Variants in A1BG observed in about 807,000 individuals in gnomAD.
A1BG encodes alpha-1B-glycoprotein.
Under a neutral mutation model 46.0 loss-of-function variants are expected in A1BG, and 44 were observed. The observed-to-expected ratio is 0.96, with a 90% CI of 0.75 to 1.23. The LOEUF is 1.23. A1BG is among the 50% of genes most tolerant of loss of function. The probability of loss-of-function intolerance (pLI) is 0.00; values close to 1 mark genes in which losing one functional copy is unlikely to be tolerated. For synonymous variants in A1BG, 316 were observed against 314.7 expected, an observed-to-expected ratio of 1.00 and a Z score of -0.04; for missense variants, 707 against 688.8, an observed-to-expected ratio of 1.03 and a Z score of -0.30.
chr19:58,346,879 T>G lies in A1BG; in HGVS notation c.*143A>C. 1.1e-6 allele frequency: 1 copy of G among 911,088 alleles called. No individual in the cohort carries two copies. The highest frequency in any genetic ancestry group is 1.8e-6 in the Non-Finnish European group (1 of 540,720). The allele number at this position is 911,088 out of a possible 1,614,324, so 56.4% of individuals were successfully genotyped here. The stretch of plus-strand genomic sequence containing the variant: ...TTTTAAACAGAGCCTCTCTTCACAT[T>G]TATTAATTCCTGGGAGGAATGAGGG... On this transcript the variant is annotated 3_prime_UTR_variant, in exon 8 of 8. Coordinates refer to ENST00000263100, the MANE Select transcript of A1BG (RefSeq NM_130786.4).
Position 58,352,723 on chromosome 19 carries a change from A to G in A1BG, c.341-168T>C, listed in dbSNP as rs1446854106. 4.3e-6 allele frequency: 5 copies of G among 1,172,524 alleles called. No individual in the cohort carries two copies. The East Asian group carries it at 9.5e-5, about 22-fold the overall frequency. 72.6% of individuals were successfully genotyped at this position (1,172,524 alleles called of 1,614,324 possible). On this transcript the variant is annotated intron_variant, in intron 3 of 7. Coordinates refer to ENST00000263100, the MANE Select transcript of A1BG (RefSeq NM_130786.4). ...GGAAACAAGGCATACGGCAAGAGAA[A>G]AAGAGTGTGTGGGAGCTGTACGGCA... is the stretch of plus-strand genomic sequence containing the variant.
chr19:58,353,335 G>T lies in A1BG; in HGVS notation c.35-8C>A. 6.2e-7 allele frequency: 1 copy of T among 1,610,934 alleles called. No homozygotes were observed. The highest frequency in any genetic ancestry group is 2.2e-5 in the East Asian group (1 of 44,810). On this transcript the variant is annotated splice_polypyrimidine_tract_variant and splice_region_variant and intron_variant, in intron 1 of 7. Transcript: ENST00000263100. ...CTGGGCCCCAGGTGACACCTGCGGA[G>T]ACAGCCCCCGTAAGGCTCCTGTTCC...
chr19:58,352,726 G>A, intron 3 of A1BG, 171 bp from the exon 4 acceptor site: 1 of 1,151,364 alleles, frequency 8.7e-7, no homozygotes, highest in Non-Finnish European at 1.2e-6. Context: ...AAGAGAAAAA[G>A]AGTGTGTGGG....
At chr19:58,348,287 G>T (rs1406470142) in intron 6 of A1BG, among the ~76,000 whole-genome samples, 1 of 152,184 alleles carries the variant, frequency 6.6e-6, no homozygotes, top group Non-Finnish European at 1.5e-5. Flanking sequence ...GGGAGGCAGA[G>T]GTTTCAGTGA....
At chr19:58,350,855 T>A in intron 5 of A1BG, 1 of 484,914 alleles carries the variant, frequency 2.1e-6, no homozygotes, top group Non-Finnish European at 3.4e-6. Context: ...TGTTTCTTAG[T>A]AATTTGTTTG....
At position 58,351,565 on chromosome 19, in the gene A1BG, C is replaced by T. The variant is rs200002683; in HGVS notation, c.736G>A (p.Gly246Arg). Reference sequence around the variant, plus strand: ...CTGGGTACCAGCAGCTCTTTCTCCCCGCGCCGTAGCTGGAAGTCCACTCCA... The same window carrying T: ...CTGGGTACCAGCAGCTCTTTCTCCCTGCGCCGTAGCTGGAAGTCCACTCCA... Reference protein sequence around the residue: ...LSGVDFQLRRGEKELLVPRSS... With the variant: ...LSGVDFQLRRREKELLVPRSS... The change falls in exon 5 of 8, where the codon GGG becomes AGG. Residue 246 changes from glycine (G) to arginine (R), a missense_variant. Gly to Arg is a moderately radical substitution (Grantham distance 125, BLOSUM62 -2). Transcript: ENST00000263100. 233 of 1,613,946 alleles carry T rather than the reference C, an allele frequency of 1.4e-4. No individual in the cohort carries two copies. The highest frequency in any genetic ancestry group is 1.6e-4 in the Non-Finnish European group (191 of 1,180,032).
chr19:58,352,550 A>C lies in A1BG; in HGVS notation c.346T>G (p.Leu116Val), dbSNP rs762470632. 2 of 1,607,738 alleles carry C rather than the reference A, an allele frequency of 1.2e-6. No individual in the cohort carries two copies. Among genetic ancestry groups the C allele is most frequent in the South Asian group, 1.1e-5 (1 of 91,052 alleles). ...GCCATCGAGAGCCAGGGAGCAGGCAAGGACTCTGTGGGTGGGGTGGAGTTG... is the reference window on the plus strand; with the variant it reads ...GCCATCGAGAGCCAGGGAGCAGGCACGGACTCTGTGGGTGGGGTGGAGTTG... ...KLLELTGPKS[L>V]PAPWLSMAPV... The change falls in exon 4 of 8, where the codon TTG becomes GTG. Residue 116 changes from leucine (L) to valine (V), a missense_variant. Physicochemically the swap from Leu to Val is conservative, Grantham distance 32 (BLOSUM62 1). Transcript: ENST00000263100.
rs950652012 is a variant in A1BG, at chr19:58,350,722, G to A, written c.911-71C>T. On this transcript the variant is annotated intron_variant, in intron 5 of 7. Transcript: ENST00000263100. ...CGGCCCTAACGCGTGGTCTGGCCTC[G>A]CGCTCTTTGCCTTGGCTGAGTCTTC... 6.1e-6 allele frequency: 8 copies of A among 1,307,252 alleles called. No individual in the cohort carries two copies. In the East Asian group the frequency reaches 1.6e-4, roughly 26 times the overall value. 81.0% of individuals were successfully genotyped at this position (1,307,252 alleles called of 1,614,324 possible). A position where few individuals can be genotyped will look rare whatever the true frequency, so the allele number is the denominator to read the frequency against.
rs1200261308 is a variant in A1BG at position 58,347,472 on chromosome 19, T to C, written c.1361A>G (p.Asn454Ser). 13 of 1,601,106 alleles carry C rather than the reference T, an allele frequency of 8.1e-6. No individual in the cohort carries two copies. The highest frequency in any genetic ancestry group is 9.4e-6 in the Non-Finnish European group (11 of 1,172,798). ...GGGCCCCACGAAGATCAGCTCGAGG[T>C]TCGCCGCGGCCCCGGGGGTGCGGAC... ...KTVRTPGAAANLELIFVGPQH... is the reference protein window; with the variant it reads ...KTVRTPGAAASLELIFVGPQH... Residue 454 changes from asparagine to serine, a missense_variant, in exon 7 of 8, where the codon AAC becomes AGC. Physicochemically the swap from Asn to Ser is conservative, Grantham distance 46. Transcript: ENST00000263100.
intron 4 of A1BG, chr19:58,351,992 C>T (rs755046841): frequency 1.9e-4 from 189 of 1,017,394 alleles, no homozygotes; most frequent in Middle Eastern, 3.3e-4. Flanking sequence ...GACGGGGTTT[C>T]GTCATGTTGG....
rs1458508564 is a variant in A1BG, at chr19:58,346,763, C to G, written c.*259G>C. The G allele has an allele frequency of 1.7e-6, 1 of 596,720 alleles. No individual in the cohort carries two copies. Among genetic ancestry groups the G allele is most frequent in the Non-Finnish European group, 3.0e-6 (1 of 332,894 alleles). 37.0% of individuals were successfully genotyped at this position (596,720 alleles called of 1,614,324 possible). On this transcript the variant is annotated 3_prime_UTR_variant, in exon 8 of 8. Coordinates refer to ENST00000263100, the MANE Select transcript of A1BG (RefSeq NM_130786.4). ...AAAACTGTGCTCTTAAGAGCCAGTT[C>G]TCCACTCCTCTACCTCAGGAGCCAC...
At chr19:58,347,752 C>A (rs1046966641) in intron 6 of A1BG, 112 bp from the exon 7 acceptor site, 7 of 630,966 alleles carry the variant, frequency 1.1e-5, no homozygotes, top group Non-Finnish European at 1.6e-5. Flanking sequence ...GCCCCGGCTT[C>A]ATCTTCCCTG....
rs1419292611 is a variant in A1BG, at chr19:58,347,610, G to A, written c.1223C>T (p.Thr408Met). The change falls in exon 7 of 8, where the codon ACG becomes ATG. Residue 408 changes from threonine to methionine, a missense_variant. Physicochemically the swap from Thr to Met is moderately conservative, Grantham distance 81. Coordinates refer to ENST00000263100, the MANE Select transcript of A1BG (RefSeq NM_130786.4). ...GPPPRPQLRA[T>M]WSGAVLAGRD... ...GCCCGCCAGGACCGCCCCACTCCACGTCGCCCGGAGCTGAGGCCTGGGAGG... is the reference window on the plus strand; with the variant it reads ...GCCCGCCAGGACCGCCCCACTCCACATCGCCCGGAGCTGAGGCCTGGGAGG... The A allele has an allele frequency of 2.7e-6, 4 of 1,484,334 alleles. No individual in the cohort carries two copies. The highest frequency in any genetic ancestry group is 2.7e-6 in the Non-Finnish European group (3 of 1,121,838). 91.9% of individuals were successfully genotyped at this position (1,484,334 alleles called of 1,614,324 possible). A position where few individuals can be genotyped will look rare whatever the true frequency, so the allele number is the denominator to read the frequency against.
At chr19:58,351,871 CT>C in intron 4 of A1BG, 184 bp from the exon 5 acceptor site, 1 of 719,468 alleles carries the variant, frequency 1.4e-6, no homozygotes, top group Non-Finnish European at 2.2e-6. Context: ...ACTCAGCTCA[CT>C]GCAAGCTCTG....
In A1BG at chr19:58,350,437, G is replaced by T. The variant is rs1349579292; in HGVS notation, c.1125C>A (p.Val375=). 3.2e-6 allele frequency: 5 copies of T among 1,552,176 alleles called. No homozygotes were observed. The highest frequency in any genetic ancestry group is 4.4e-6 in the Non-Finnish European group (5 of 1,147,930). ...SVADSANYSC[V]YVDLKPPFGG... ...CGAAAGGCGGCTTCAGGTCCACGTA[G>T]ACGCAGCTGTAGTTGGCGGAGTCAG... Residue 375 remains valine (V), a synonymous_variant, in exon 6 of 8, where the codon GTC becomes GTA. Transcript: ENST00000263100.
chr19:58,352,103 C>A, intron 4 of A1BG, 180 bp downstream of exon 4: 1 of 1,453,164 alleles, frequency 6.9e-7, no homozygotes, highest in East Asian at 2.5e-5. Context: ...CTCACCCTTC[C>A]ATTCTTTGGG....
chr19:58,350,102 GAACAAGAAAACCTGGGGC>G (rs1419950183), intron 6 of A1BG: 4 of 471,696 alleles, frequency 8.5e-6, no homozygotes, highest in Non-Finnish European at 1.5e-5. Context: ...GCAGGGATCT[GAACAAGAAAACCTGGGGC>G]CAGCCTCCCT....
intron 3 of A1BG, 38 bp downstream of exon 3, chr19:58,352,890 C>A: frequency 6.3e-7 from 1 of 1,585,884 alleles, no homozygotes; most frequent in Non-Finnish European, 8.6e-7. Flanking sequence ...AACAACCTAC[C>A]CACTGCCTCC....
chr19:58,345,923 T>C lies in A1BG; in HGVS notation c.*1099A>G, dbSNP rs1306984449. On this transcript the variant is annotated 3_prime_UTR_variant, in exon 8 of 8. Coordinates refer to ENST00000263100, the MANE Select transcript of A1BG (RefSeq NM_130786.4). ...TCTGTGTGCCAGGGCCTTGAGGCCC[T>C]GCTCCAGGCAGAAACTCGGCAGTGG... The C allele has an allele frequency of 1.3e-5, 2 of 152,284 alleles. No individual in the cohort carries two copies. Among genetic ancestry groups the C allele is most frequent in the Non-Finnish European group, 2.9e-5 (2 of 68,068 alleles). The allele number at this position is 152,284 out of a possible 1,614,324, so 9.4% of individuals were successfully genotyped here.
Sources: gnomAD v4.1 joint callset for allele counts (sites outside exome capture counted in the v4.1 genomes callset) on GRCh38, gnomAD v4.1.1 for gene constraint, MANE v1.5 for transcripts, NCBI Gene and HGNC (gene_info 2026-07-23, HGNC 2026-07-21) for gene names.